Variants in PSMD1 observed in about 807,000 individuals in gnomAD.
PSMD1 encodes 26S proteasome non-ATPase regulatory subunit 1.
A neutral mutation model predicts 119.0 loss-of-function variants in PSMD1; 18 were observed. The observed-to-expected ratio is 0.15, with a 90% confidence interval of 0.10 to 0.22. The LOEUF is 0.22. Among genes scored for constraint, PSMD1 ranks in the 10% least tolerant of loss-of-function variants. The probability of loss-of-function intolerance (pLI) is 1.00; values close to 1 mark genes in which losing one functional copy is unlikely to be tolerated. For synonymous variants in PSMD1, 374 were observed against 396.6 expected, an observed-to-expected ratio of 0.94 and a Z score of 0.68; for missense variants, 702 against 1,158.5, an observed-to-expected ratio of 0.61 and a Z score of 5.72.
intron 16 of PSMD1, among the ~76,000 whole-genome samples, chr2:231,094,321 G>A (rs914267720): frequency 9.2e-5 from 14 of 152,192 alleles, no homozygotes; most frequent in South Asian, 4.1e-4. Flanking sequence ...AAGCAGTGAC[G>A]TCATAACTTG....
At chr2:231,094,518 A>T (rs778292332) in intron 16 of PSMD1, among the ~76,000 whole-genome samples, 3 of 152,198 alleles carry the variant, frequency 2.0e-5, no homozygotes, top group Non-Finnish European at 4.4e-5. Context: ...AAATAAACAG[A>T]GTAAGCAGGG....
rs182782550 is a variant in PSMD1, at chr2:231,150,853, A to G, written c.2116-2711A>G. Among the ~76,000 whole-genome samples, 177 of 152,322 alleles carry G rather than the reference A, an allele frequency of 1.2e-3. 1 individual carries two copies. Among genetic ancestry groups the G allele is most frequent in the African/African-American group, 3.9e-3 (162 of 41,574 alleles). ...ATCCTTGATGTACAGCTACATTTCC[A>G]TAACCAGGAAGATAGAAAAATAGAA... is the stretch of plus-strand genomic sequence containing the variant. On this transcript the variant is annotated intron_variant, in intron 18 of 24. Coordinates refer to ENST00000308696, the MANE Select transcript of PSMD1 (RefSeq NM_002807.4).
In PSMD1 at chr2:231,062,451, AT is replaced by A. The variant is rs1406449573; in HGVS notation, c.135-50del. 4 of 1,553,016 alleles carry A rather than the reference AT, an allele frequency of 2.6e-6. No individual in the cohort carries two copies. The African/African-American group carries it at 5.5e-5, about 21-fold the overall frequency. On this transcript the variant is annotated intron_variant, in intron 3 of 24. Coordinates refer to ENST00000308696, the MANE Select transcript of PSMD1 (RefSeq NM_002807.4). ...TGTGGCTTGAATATTTAGATTTGGG[AT>A]TTTTAGGGAAAACCACAGTTTGAAC...
At chr2:231,102,830 C>T (rs1441524273) in intron 16 of PSMD1, among the ~76,000 whole-genome samples, 1 of 152,096 alleles carries the variant, frequency 6.6e-6, no homozygotes, top group Non-Finnish European at 1.5e-5. Context: ...TCAAGGCTCA[C>T]TGTTATATGG....
chr2:231,161,559 T>G, intron 20 of PSMD1, 50 bp downstream of exon 20: 1 of 1,511,250 alleles, frequency 6.6e-7, no homozygotes, highest in Non-Finnish European at 9.0e-7. Flanking sequence ...CACCGTATCT[T>G]ATTCATATTT....
chr2:231,090,554 A>G (rs796736466), intron 16 of PSMD1, among the ~76,000 whole-genome samples: 72 of 152,314 alleles, frequency 4.7e-4, no homozygotes, highest in African/African-American at 1.6e-3. Context: ...GCAAGACTCC[A>G]TCTCAAAAAA....
intron 18 of PSMD1, among the ~76,000 whole-genome samples, chr2:231,148,463 G>A (rs995284132): frequency 6.6e-6 from 1 of 152,160 alleles, no homozygotes; most frequent in Non-Finnish European, 1.5e-5. Flanking sequence ...ATCATTCCAG[G>A]AACTGTTATT....
chr2:231,163,464 G>A (rs1696685934), intron 20 of PSMD1, 171 bp from the exon 21 acceptor site: 1 of 537,652 alleles, frequency 1.9e-6, no homozygotes, highest in African/African-American at 1.9e-5. Context: ...AGGTAATTCT[G>A]TAAAGAACCT....
rs751611162 is a variant in PSMD1 at position 231,163,731 on chromosome 2, G to A, written c.2481+4G>A. On this transcript the variant is annotated splice_donor_region_variant and intron_variant, in intron 21 of 24. Coordinates refer to ENST00000308696, the MANE Select transcript of PSMD1 (RefSeq NM_002807.4). The stretch of plus-strand genomic sequence containing the variant: ...AAAAGAAAAAGAAAAGGAAAAGGTA[G>A]GTTCTTTGTTCCTTTTAGCAGCATT... The A allele has an allele frequency of 1.3e-6, 2 of 1,589,168 alleles. No homozygotes were observed. The highest frequency in any genetic ancestry group is 2.2e-5 in the South Asian group (2 of 90,378).
intron 16 of PSMD1, chr2:231,109,234 A>C (rs745582047): frequency 3.3e-5 from 54 of 1,614,104 alleles, no homozygotes; most frequent in Non-Finnish European, 5.9e-6. Flanking sequence ...TCTTCTGTAA[A>C]GCATGGATAG....
intron 16 of PSMD1, among the ~76,000 whole-genome samples, chr2:231,109,945 G>A (rs1392946258): frequency 6.6e-6 from 1 of 152,162 alleles, no homozygotes; most frequent in Non-Finnish European, 1.5e-5. Flanking sequence ...GAAAACTAAA[G>A]TTCATTAAAA....
intron 16 of PSMD1, among the ~76,000 whole-genome samples, chr2:231,128,903 G>A (rs1362026991): frequency 6.6e-6 from 1 of 152,146 alleles, no homozygotes; most frequent in Non-Finnish European, 1.5e-5. Flanking sequence ...ATTTTTGCCA[G>A]GTTATTGCCA....
chr2:231,111,648 T>C (rs570181614), intron 16 of PSMD1, among the ~76,000 whole-genome samples: 15 of 152,314 alleles, frequency 9.8e-5, no homozygotes, highest in Admixed American at 7.8e-4. Flanking sequence ...TTCAAAGTTA[T>C]TAATTTGTGA....
intron 16 of PSMD1, among the ~76,000 whole-genome samples, chr2:231,118,259 C>G (rs1695411985): frequency 6.6e-6 from 1 of 152,100 alleles, no homozygotes; most frequent in African/African-American, 2.4e-5. Context: ...TATTGTTTAA[C>G]AGAAACTAGC....
In PSMD1 at chr2:231,157,023, T is replaced by A. The variant is rs531353314; in HGVS notation, c.2218+3357T>A. Among the ~76,000 whole-genome samples the A allele has an allele frequency of 1.2e-3, 184 of 152,320 alleles. 1 individual carries two copies. The highest frequency in any genetic ancestry group is 2.1e-3 in the Non-Finnish European group (140 of 68,022). ...TGTAGCCTTTTCAGATTACTTCTTT[T>A]GGTGGTGAGTATTTAAAACAACATT... is the stretch of plus-strand genomic sequence containing the variant. On this transcript the variant is annotated intron_variant, in intron 19 of 24. Transcript: ENST00000308696.
chr2:231,163,182 C>CT (rs1430645555), intron 20 of PSMD1: 2 of 152,784 alleles, frequency 1.3e-5, no homozygotes, highest in African/African-American at 4.8e-5. Flanking sequence ...AGCTGACTTT[C>CT]TATTAGGCTC....
chr2:231,072,431 T>C lies in PSMD1; in HGVS notation c.881+16T>C. On this transcript the variant is annotated intron_variant, in intron 7 of 24. Coordinates refer to ENST00000308696, the MANE Select transcript of PSMD1 (RefSeq NM_002807.4). ...AGAAAGACAGGTATAAGTACCTTTT[T>C]CTGCATCAAAACTAATTGAATAATC... The C allele has an allele frequency of 6.4e-7, 1 of 1,559,546 alleles. No individual in the cohort carries two copies. Among genetic ancestry groups the C allele is most frequent in the Admixed American group, 1.7e-5 (1 of 59,336 alleles).
At chr2:231,160,682 G>A (rs537670091) in intron 19 of PSMD1, among the ~76,000 whole-genome samples, 1 of 152,244 alleles carries the variant, frequency 6.6e-6, no homozygotes, top group South Asian at 2.1e-4. Context: ...ATATAATGCA[G>A]ATTAATACTT....
chr2:231,089,198 G>A (rs1230937674), intron 16 of PSMD1, among the ~76,000 whole-genome samples: 1 of 152,206 alleles, frequency 6.6e-6, no homozygotes, highest in Non-Finnish European at 1.5e-5. Context: ...ATAACATGGA[G>A]GTGCAAGGAG....
Sources: allele counts gnomAD v4.1 joint callset (sites outside exome capture counted in the v4.1 genomes callset), GRCh38; gene constraint gnomAD v4.1.1; transcripts MANE v1.5; gene names NCBI Gene and HGNC (gene_info 2026-07-23, HGNC 2026-07-21).